The following TUSC3 variants were observed in gnomAD, a reference collection of about 807,000 sequenced individuals.
TUSC3 encodes the protein dolichyl-diphosphooligosaccharide--protein glycosyltransferase subunit TUSC3.
In TUSC3, 45 loss-of-function variants were observed where a neutral mutation model predicts 44.8. That is an observed-to-expected ratio of 1.00 (90% CI 0.79 to 1.29). The LOEUF is 1.29. Among genes scored for constraint, TUSC3 ranks in the 50% most tolerant of loss-of-function variants. TUSC3 has a pLI of 0.00. For missense variants in TUSC3, 519 were observed against 437.9 expected (o/e 1.19, Z -1.65); for synonymous variants, 212 against 152.9 (o/e 1.39, Z -2.85).
chr8:15,618,052 C>G (rs1377812489), intron 1 of TUSC3, among the ~76,000 whole-genome samples: 1 of 152,046 alleles, frequency 6.6e-6, no homozygotes, highest in African/African-American at 2.4e-5. Context: ...AATGGTACAG[C>G]AAAGATATGG....
chr8:15,680,099 C>CA, intron 6 of TUSC3, among the ~76,000 whole-genome samples: 1 of 149,990 alleles, frequency 6.7e-6, no homozygotes, highest in Non-Finnish European at 1.5e-5. Context: ...TTTAGAATAG[C>CA]TTTTTTTTTT....
the TUSC3 span, chr8:15,806,448 T>G: frequency 2.5e-6 from 2 of 807,374 alleles, no homozygotes; most frequent in South Asian, 2.7e-5. Context: ...ATCACACACA[T>G]GTTGTCTTGA....
At chr8:15,809,875 T>A in the TUSC3 span, among the ~76,000 whole-genome samples, 708 of 152,286 alleles carry the variant, frequency 4.6e-3, 10 homozygotes, top group African/African-American at 0.016. Context: ...CAGTCCTACA[T>A]CCCTCCTATT....
intron 1 of TUSC3, among the ~76,000 whole-genome samples, chr8:15,599,193 T>C (rs1307059832): frequency 1.3e-5 from 2 of 151,882 alleles, no homozygotes; most frequent in Non-Finnish European, 2.9e-5. Context: ...ATGTGGAGGA[T>C]CTTTTTATGT....
At chr8:15,846,507 C>T in the TUSC3 span, among the ~76,000 whole-genome samples, 1,831 of 152,134 alleles carry the variant, frequency 0.012, 46 homozygotes, top group African/African-American at 0.042. Flanking sequence ...CAAATATACA[C>T]CAAGGAATAC....
chr8:15,820,111 A>T, the TUSC3 span, among the ~76,000 whole-genome samples: 1 of 152,162 alleles, frequency 6.6e-6, no homozygotes, highest in Non-Finnish European at 1.5e-5. Context: ...TACTGAAATG[A>T]TCATATCCCA....
At chr8:15,711,727 T>G (rs889126619) in intron 6 of TUSC3, among the ~76,000 whole-genome samples, 14 of 151,824 alleles carry the variant, frequency 9.2e-5, no homozygotes, top group South Asian at 6.2e-4. Flanking sequence ...AATAGTATCT[T>G]GATTGTTTAT....
At chr8:15,784,703 A>G in the TUSC3 span, among the ~76,000 whole-genome samples, 3,604 of 152,228 alleles carry the variant, frequency 0.024, 142 homozygotes, top group African/African-American at 0.081. Context: ...CATGTGAAAT[A>G]CAGAAGAGTC....
intron 9 of TUSC3, chr8:15,748,671 ATG>A (rs753227079): frequency 2.8e-5 from 20 of 724,224 alleles, no homozygotes; most frequent in Non-Finnish European, 4.8e-5. Flanking sequence ...CCCTGACAGC[ATG>A]TAGTTTCTTT....
chr8:15,739,295 T>TTTATG (rs1811083082), intron 7 of TUSC3, among the ~76,000 whole-genome samples: 1 of 152,178 alleles, frequency 6.6e-6, no homozygotes. Flanking sequence ...TTTTCAGTAT[T>TTTATG]TTATGTTTTG....
At chr8:15,704,978 A>G (rs1038706852) in intron 6 of TUSC3, among the ~76,000 whole-genome samples, 1 of 151,816 alleles carries the variant, frequency 6.6e-6, no homozygotes, top group Non-Finnish European at 1.5e-5. Context: ...ATTATTTGGA[A>G]CACTTGTTAT....
chr8:15,614,301 A>G (rs1052223755), intron 1 of TUSC3, among the ~76,000 whole-genome samples: 14 of 152,056 alleles, frequency 9.2e-5, no homozygotes, highest in South Asian at 2.1e-4. Context: ...TTATGTAGGT[A>G]TGTTTTACAT....
At chr8:15,597,993 G>T (rs1183454322) in intron 1 of TUSC3, among the ~76,000 whole-genome samples, 1 of 151,978 alleles carries the variant, frequency 6.6e-6, no homozygotes, top group Admixed American at 6.6e-5. Context: ...CTGTGTCCTA[G>T]CGTTGATATT....
At chr8:15,418,426 C>T (rs1799687495) in intron 1 of TUSC3, among the ~76,000 whole-genome samples, 1 of 152,094 alleles carries the variant, frequency 6.6e-6, no homozygotes, top group South Asian at 2.1e-4. Flanking sequence ...GTATTTACTT[C>T]AAACAGTATT....
chr8:15,436,782 G>A (rs1444782595), intron 1 of TUSC3, among the ~76,000 whole-genome samples: 1 of 152,134 alleles, frequency 6.6e-6, no homozygotes, highest in Non-Finnish European at 1.5e-5. Flanking sequence ...ATTCACAGCT[G>A]TAAGACTGTC....
intron 1 of TUSC3, among the ~76,000 whole-genome samples, chr8:15,432,582 A>G (rs1563249457): frequency 6.6e-6 from 1 of 152,124 alleles, no homozygotes; most frequent in Non-Finnish European, 1.5e-5. Flanking sequence ...TGATAATGAG[A>G]CATGGTGTAC....
At chr8:15,799,801 C>A in the TUSC3 span, among the ~76,000 whole-genome samples, 3 of 152,142 alleles carry the variant, frequency 2.0e-5, no homozygotes, top group Admixed American at 6.5e-5. Context: ...AACAAGTGTG[C>A]CTGCCCCAGT....
At chr8:15,609,773 C>T (rs984674606) in intron 1 of TUSC3, among the ~76,000 whole-genome samples, 81 of 151,796 alleles carry the variant, frequency 5.3e-4, no homozygotes, top group Non-Finnish European at 1.3e-4. Flanking sequence ...CATGTTTTCA[C>T]TGTACATTAA....
intron 2 of TUSC3, among the ~76,000 whole-genome samples, chr8:15,518,064 C>T (rs1000675563): frequency 8.5e-5 from 13 of 152,116 alleles, no homozygotes; most frequent in Admixed American, 7.9e-4. Flanking sequence ...ACCAACTATT[C>T]CACTTTCAGT....
Sources: gnomAD v4.1 joint callset for allele counts (sites outside exome capture counted in the v4.1 genomes callset) on GRCh38, gnomAD v4.1.1 for gene constraint, MANE v1.5 for transcripts, NCBI Gene and HGNC (gene_info 2026-07-23, HGNC 2026-07-21) for gene names.